Variants in PDCD1LG2 observed in about 807,000 individuals in gnomAD.
PDCD1LG2 encodes B7 dendritic cell molecule.
In PDCD1LG2, 32 loss-of-function variants were observed where a neutral mutation model predicts 28.2. The ratio of observed to expected loss-of-function variants is 1.13; its 90% confidence interval spans 0.86 to 1.52. The LOEUF (loss-of-function observed/expected upper bound fraction) is 1.52, where lower values mean the gene tolerates loss of function less well. Among genes scored for constraint, PDCD1LG2 ranks in the 40% most tolerant of loss-of-function variants. PDCD1LG2 has a pLI of 0.00. For missense variants in PDCD1LG2, 385 were observed against 323.8 expected (o/e 1.19, Z -1.45); for synonymous variants, 116 against 120.2 (o/e 0.97, Z 0.23).
rs113435125 is a variant in PDCD1LG2 at position 5,568,230 on chromosome 9, C to T, written c.817-1724C>T. On this transcript the variant is annotated intron_variant, in intron 6 of 6. Coordinates refer to ENST00000397747, the MANE Select transcript of PDCD1LG2 (RefSeq NM_025239.4). Reference sequence around the variant, plus strand: ...TTTGTCCCTACAAAGGCCTCTAAGGCAGGGGTCCCCAACCTCTGGGCCGCA... The same window carrying T: ...TTTGTCCCTACAAAGGCCTCTAAGGTAGGGGTCCCCAACCTCTGGGCCGCA... 3.9e-3 allele frequency among the ~76,000 whole-genome samples: 591 copies of T among 152,322 alleles called. 3 individuals carry two copies. The highest frequency in any genetic ancestry group is 0.013 in the African/African-American group (558 of 41,566).
intron 2 of PDCD1LG2, among the ~76,000 whole-genome samples, chr9:5,534,439 C>T (rs1259294928): frequency 6.6e-6 from 1 of 152,124 alleles, no homozygotes; most frequent in African/African-American, 2.4e-5. Context: ...GTGGGAGAGG[C>T]CTCTGAGAGC....
chr9:5,512,263 A>G (rs1820075275), intron 1 of PDCD1LG2, among the ~76,000 whole-genome samples: 2 of 152,166 alleles, frequency 1.3e-5, no homozygotes, highest in South Asian at 4.1e-4. Flanking sequence ...ACCCTGCTCC[A>G]CTGTAGCTGG....
chr9:5,516,177 G>GAGT (rs1369483132), intron 1 of PDCD1LG2, among the ~76,000 whole-genome samples: 2 of 151,818 alleles, frequency 1.3e-5, no homozygotes, highest in Non-Finnish European at 2.9e-5. Flanking sequence ...TCAGCCTCCC[G>GAGT]AGTAGCTGGT....
intron 3 of PDCD1LG2, among the ~76,000 whole-genome samples, chr9:5,535,643 T>G (rs2129801134): frequency 6.6e-6 from 1 of 152,264 alleles, no homozygotes; most frequent in East Asian, 1.9e-4. Context: ...AAATTTTTTT[T>G]TTCTTACTTT....
chr9:5,523,840 A>G (rs1486932104), intron 2 of PDCD1LG2, among the ~76,000 whole-genome samples: 2 of 152,178 alleles, frequency 1.3e-5, no homozygotes, highest in African/African-American at 4.8e-5. Flanking sequence ...GTGGGTTTGT[A>G]GCTTAAAAAC....
chr9:5,512,468 A>T (rs1286728961), intron 1 of PDCD1LG2, among the ~76,000 whole-genome samples: 1 of 152,122 alleles, frequency 6.6e-6, no homozygotes, highest in Non-Finnish European at 1.5e-5. Context: ...ATTGCCTCAG[A>T]AGTACTGCCC....
At chr9:5,513,164 C>T (rs879466366) in intron 1 of PDCD1LG2, among the ~76,000 whole-genome samples, 16 of 152,248 alleles carry the variant, frequency 1.1e-4, no homozygotes, top group Admixed American at 2.0e-4. Flanking sequence ...CGATTGGCAG[C>T]TCTGCCTGGC....
chr9:5,531,073 A>G (rs1204295338), intron 2 of PDCD1LG2, among the ~76,000 whole-genome samples: 1 of 152,232 alleles, frequency 6.6e-6, no homozygotes, highest in Non-Finnish European at 1.5e-5. Context: ...ATCTTTAATG[A>G]TGCTGACCTC....
intron 4 of PDCD1LG2, among the ~76,000 whole-genome samples, chr9:5,550,795 G>C (rs1284808271): frequency 6.6e-6 from 1 of 152,012 alleles, no homozygotes; most frequent in Non-Finnish European, 1.5e-5. Context: ...CCGGGTTCAA[G>C]CTATTCTCCT....
chr9:5,543,232 G>A (rs560352840), intron 3 of PDCD1LG2, among the ~76,000 whole-genome samples: 4 of 152,144 alleles, frequency 2.6e-5, no homozygotes, highest in East Asian at 3.9e-4. Context: ...ATGGTTGGGG[G>A]TGAGAGATAA....
At chr9:5,519,435 C>A (rs1820232819) in intron 1 of PDCD1LG2, among the ~76,000 whole-genome samples, 1 of 152,106 alleles carries the variant, frequency 6.6e-6, no homozygotes, top group Non-Finnish European at 1.5e-5. Flanking sequence ...CCCCAGGTGT[C>A]AAAGCATCAG....
At chr9:5,554,439 A>C (rs987204977) in intron 4 of PDCD1LG2, among the ~76,000 whole-genome samples, 6 of 152,222 alleles carry the variant, frequency 3.9e-5, no homozygotes, top group Non-Finnish European at 5.9e-5. Context: ...AAGTTGTCTT[A>C]TGACTGTTCC....
intron 1 of PDCD1LG2, among the ~76,000 whole-genome samples, chr9:5,521,737 G>A (rs923751674): frequency 2.6e-5 from 4 of 152,196 alleles, no homozygotes; most frequent in Non-Finnish European, 5.9e-5. Context: ...TGATTTAGAT[G>A]TATGGCTCCA....
intron 3 of PDCD1LG2, among the ~76,000 whole-genome samples, chr9:5,535,306 C>T (rs1475983783): frequency 1.3e-5 from 2 of 152,084 alleles, no homozygotes; most frequent in Non-Finnish European, 2.9e-5. Context: ...AAAATTAGTC[C>T]CTGAAATGTG....
At chr9:5,543,855 T>A (rs947389876) in intron 3 of PDCD1LG2, among the ~76,000 whole-genome samples, 111 of 89,740 alleles carry the variant, frequency 1.2e-3, no homozygotes, top group Admixed American at 1.9e-3. Flanking sequence ...GAAAACAATG[T>A]CCTGAATTTC....
intron 1 of PDCD1LG2, among the ~76,000 whole-genome samples, chr9:5,516,187 T>G (rs1358059440): frequency 1.3e-5 from 2 of 151,906 alleles, no homozygotes; most frequent in Non-Finnish European, 2.9e-5. Context: ...GAGTAGCTGG[T>G]ATTACAGACA....
chr9:5,511,503 T>C (rs1820057525), intron 1 of PDCD1LG2, among the ~76,000 whole-genome samples: 1 of 152,114 alleles, frequency 6.6e-6, no homozygotes, highest in Non-Finnish European at 1.5e-5. Context: ...TAAGCCTGAG[T>C]GAGATTACCA....
At chr9:5,563,308 A>G in intron 6 of PDCD1LG2, 97 bp downstream of exon 6, 1 of 1,030,922 alleles carries the variant, frequency 9.7e-7, no homozygotes, top group Non-Finnish European at 1.5e-6. Context: ...ATGGAAGGCA[A>G]CTGAATAGTT....
rs190289383 is a variant in PDCD1LG2 at position 5,511,831 on chromosome 9, T to G, written c.-15+1028T>G. 2.2e-4 allele frequency among the ~76,000 whole-genome samples: 34 copies of G among 152,326 alleles called. 1 individual carries two copies. The highest frequency in any genetic ancestry group is 1.9e-3 in the East Asian group (10 of 5,192). ...GGGTGTCTTCTCCCCAGATTTCTCC[T>G]GTTGGTGAGCTTTTCCATTGAACTG... On this transcript the variant is annotated intron_variant, in intron 1 of 6. Transcript: ENST00000397747.
Sources: allele counts gnomAD v4.1 joint callset (sites outside exome capture counted in the v4.1 genomes callset), GRCh38; gene constraint gnomAD v4.1.1; transcripts MANE v1.5; gene names NCBI Gene and HGNC (gene_info 2026-07-23, HGNC 2026-07-21).